TSGA10: variants seen among roughly 807,000 people sequenced by gnomAD.
The protein encoded by TSGA10 is testis-specific gene 10 protein.
Under a neutral mutation model 96.6 loss-of-function variants are expected in TSGA10, and 43 were observed. The ratio of observed to expected loss-of-function variants is 0.44; its 90% CI spans 0.35 to 0.57. The LOEUF is 0.57. TSGA10 is among the 20% of genes least tolerant of loss of function. The pLI is 0.01. For synonymous variants in TSGA10, 229 were observed against 269.9 expected, an observed-to-expected ratio of 0.85 and a Z score of 1.48; for missense variants, 703 against 834.4, an observed-to-expected ratio of 0.84 and a Z score of 1.94.
chr2:99,108,227 A>G (rs2104834640), intron 7 of TSGA10, among the ~76,000 whole-genome samples: 1 of 152,294 alleles, frequency 6.6e-6, no homozygotes, highest in East Asian at 1.9e-4. Flanking sequence ...AAACATGGTC[A>G]GCATCTTATC....
At chr2:99,120,273 G>T (rs964227856) in intron 2 of TSGA10, among the ~76,000 whole-genome samples, 15 of 152,086 alleles carry the variant, frequency 9.9e-5, no homozygotes, top group African/African-American at 3.1e-4. Flanking sequence ...CTTCTCTCAT[G>T]AACTTTACTT....
chr2:99,119,018 TCA>T (rs1233008252), intron 2 of TSGA10, among the ~76,000 whole-genome samples: 1 of 152,182 alleles, frequency 6.6e-6, no homozygotes, highest in African/African-American at 2.4e-5. Context: ...CACAGAAGTT[TCA>T]GTCTGTAAGG....
At chr2:99,002,954 G>A (rs562889074) in intron 20 of TSGA10, among the ~76,000 whole-genome samples, 3 of 152,054 alleles carry the variant, frequency 2.0e-5, no homozygotes, top group East Asian at 3.9e-4. Context: ...CCACCTCCCA[G>A]GTTCAAGCAA....
intron 14 of TSGA10, among the ~76,000 whole-genome samples, chr2:99,070,573 G>GA (rs1445358317): frequency 2.0e-5 from 3 of 151,776 alleles, no homozygotes; most frequent in Non-Finnish European, 4.4e-5. Context: ...TTTTTGTTTA[G>GA]AAAAAAGACT....
chr2:99,092,276 G>A (rs1026451461), intron 10 of TSGA10, among the ~76,000 whole-genome samples: 1 of 152,098 alleles, frequency 6.6e-6, no homozygotes, highest in Non-Finnish European at 1.5e-5. Flanking sequence ...TTGGGATACA[G>A]CAAAGGCAGT....
At chr2:99,011,647 C>T (rs1369025237) in intron 20 of TSGA10, among the ~76,000 whole-genome samples, 1 of 152,100 alleles carries the variant, frequency 6.6e-6, no homozygotes, top group East Asian at 1.9e-4. Context: ...TCCTCCCTGA[C>T]CTTTAAATGT....
chr2:99,019,133 T>A (rs1252001310), intron 18 of TSGA10, among the ~76,000 whole-genome samples: 2 of 152,050 alleles, frequency 1.3e-5, no homozygotes, highest in African/African-American at 4.8e-5. Context: ...AAAAAATGCC[T>A]CAAAAAACCT....
Position 99,071,781 on chromosome 2 carries a change from G to A in TSGA10, c.1032C>T (p.Ala344=), listed in dbSNP as rs1277176484. 1.9e-6 allele frequency: 3 copies of A among 1,613,880 alleles called. No homozygotes were observed. The highest frequency in any genetic ancestry group is 1.7e-6 in the Non-Finnish European group (2 of 1,179,898). ...DETNDELAQI[A]RERDILAHDN... ...CATGAGCCAAGATATCTCTTTCCCTGGCGATCTGGGCCAGCTCATCATTTG... is the reference window on the plus strand; with the variant it reads ...CATGAGCCAAGATATCTCTTTCCCTAGCGATCTGGGCCAGCTCATCATTTG... The change falls in exon 14 of 21, where the codon GCC becomes GCT. Residue 344 remains alanine (A), a synonymous_variant. Transcript: ENST00000393483.
intron 4 of TSGA10, among the ~76,000 whole-genome samples, chr2:99,116,318 T>C (rs1263215287): frequency 1.3e-5 from 2 of 151,990 alleles, no homozygotes; most frequent in African/African-American, 2.4e-5. Flanking sequence ...TATAATTACA[T>C]TTAATCTCTA....
chr2:99,145,536 C>A (rs2093622865), intron 1 of TSGA10, among the ~76,000 whole-genome samples: 1 of 149,058 alleles, frequency 6.7e-6, no homozygotes, highest in Non-Finnish European at 1.5e-5. Context: ...CCAACCTGGG[C>A]AACAGAGTGA....
intron 16 of TSGA10, among the ~76,000 whole-genome samples, chr2:99,063,644 T>C (rs1389151487): frequency 6.7e-6 from 1 of 150,060 alleles, no homozygotes; most frequent in Non-Finnish European, 1.5e-5. Context: ...CTCTACTAAA[T>C]ACAAAAAAAA....
intron 1 of TSGA10, among the ~76,000 whole-genome samples, chr2:99,137,447 A>G (rs1343668877): frequency 6.6e-6 from 1 of 152,254 alleles, no homozygotes; most frequent in Non-Finnish European, 1.5e-5. Context: ...AGATCTTGTA[A>G]GTGAAGACAA....
intron 1 of TSGA10, among the ~76,000 whole-genome samples, chr2:99,152,724 A>G (rs2093704775): frequency 6.6e-6 from 1 of 152,216 alleles, no homozygotes; most frequent in African/African-American, 2.4e-5. Flanking sequence ...AGTGGAGAGA[A>G]GGGGATAGAG....
At chr2:99,127,858 A>T (rs1217545581) in intron 1 of TSGA10, among the ~76,000 whole-genome samples, 5 of 152,222 alleles carry the variant, frequency 3.3e-5, no homozygotes, top group Admixed American at 3.3e-4. Context: ...AAATGCACAT[A>T]GCTTCTGTTC....
At position 99,154,925 on chromosome 2, in the gene TSGA10, T is replaced by TTCAGGGGGCCGGCCC. The variant is rs1251022048; in HGVS notation, c.-868_-854dup. On this transcript the variant is annotated 5_prime_UTR_variant, in exon 1 of 21. Coordinates refer to ENST00000393483, the MANE Select transcript of TSGA10 (RefSeq NM_025244.4). ...CTGCGCGCCCCTCCTTCTCTTGCGC[T>TTCAGGGGGCCGGCCC]TCAGGGGGCCGGCCCTCAGGGGGCG... 2.2e-6 allele frequency: 1 copy of TTCAGGGGGCCGGCCC among 445,912 alleles called. No homozygotes were observed. Among genetic ancestry groups the TTCAGGGGGCCGGCCC allele is most frequent in the Admixed American group, 2.4e-5 (1 of 41,334 alleles). The allele number at this position is 445,912 out of a possible 1,614,324, so 27.6% of individuals were successfully genotyped here.
rs1321980563 is a variant in TSGA10 at position 99,078,684 on chromosome 2, G to A, written c.857C>T (p.Ser286Phe). 3 of 1,613,166 alleles carry A rather than the reference G, an allele frequency of 1.9e-6. No individual in the cohort carries two copies. The highest frequency in any genetic ancestry group is 1.7e-5 in the Admixed American group (1 of 59,916). Residue 286 changes from serine to phenylalanine, a missense_variant, in exon 12 of 21, where the codon TCC becomes TTC. Ser to Phe is a radical substitution (Grantham distance 155). Transcript: ENST00000393483. ...TTTCATTGCCAAACTCTCTCCAAGGGATGCAATATTCTCAGATTTTTTATC... is the reference window on the plus strand; with the variant it reads ...TTTCATTGCCAAACTCTCTCCAAGGAATGCAATATTCTCAGATTTTTTATC... ...CLDKKSENIA[S>F]LGESLAMKEK... is the part of the protein sequence containing the mutation.
At chr2:99,061,509 T>A (rs752347719) in intron 16 of TSGA10, among the ~76,000 whole-genome samples, 32 of 152,222 alleles carry the variant, frequency 2.1e-4, no homozygotes, top group Non-Finnish European at 4.3e-4. Flanking sequence ...TATTTTTAAA[T>A]GTACAATAAA....
At chr2:99,147,388 C>G in intron 1 of TSGA10, 1 of 1,302,154 alleles carries the variant, frequency 7.7e-7, no homozygotes, top group Non-Finnish European at 1.1e-6. Context: ...TTTATTCTTA[C>G]ATATATATTC....
intron 16 of TSGA10, among the ~76,000 whole-genome samples, chr2:99,049,834 C>G (rs1205780806): frequency 2.0e-5 from 3 of 151,894 alleles, no homozygotes; most frequent in Non-Finnish European, 4.4e-5. Flanking sequence ...AAAGGAAGTT[C>G]TTCAAACTGA....
Sources: allele counts gnomAD v4.1 joint callset (sites outside exome capture counted in the v4.1 genomes callset), GRCh38; gene constraint gnomAD v4.1.1; transcripts MANE v1.5; gene names NCBI Gene and HGNC (gene_info 2026-07-23, HGNC 2026-07-21).